SF3B3: variants seen among roughly 807,000 people sequenced by gnomAD.
SF3B3 encodes the protein SAP 130.
SF3B3 carries 33 observed loss-of-function variants against 139.2 expected under a neutral mutation model. The ratio of observed to expected loss-of-function variants is 0.24; its 90% CI spans 0.18 to 0.32. The LOEUF (loss-of-function observed/expected upper bound fraction) is 0.32. SF3B3 is among the 10% of genes least tolerant of loss of function. The pLI, the probability that SF3B3 is intolerant of heterozygous loss-of-function variation, is 1.00. For synonymous variants in SF3B3, 596 were observed against 563.6 expected, an observed-to-expected ratio of 1.06 and a Z score of -0.81; for missense variants, 818 against 1,509.4, an observed-to-expected ratio of 0.54 and a Z score of 7.59.
chr16:70,529,533 C>T (rs1449744641), intron 3 of SF3B3: 2 of 261,506 alleles, frequency 7.6e-6, no homozygotes, highest in African/African-American at 2.2e-5. Flanking sequence ...GATTCACATT[C>T]ATGTCTCTTC....
At chr16:70,540,937 AT>A (rs1289784590) in intron 8 of SF3B3, among the ~76,000 whole-genome samples, 1 of 152,104 alleles carries the variant, frequency 6.6e-6, no homozygotes, top group Non-Finnish European at 1.5e-5. Context: ...TTGATTCCCC[AT>A]TTTTAATTTT....
At chr16:70,546,354 A>G (rs74930206) in intron 10 of SF3B3, among the ~76,000 whole-genome samples, 1 of 152,346 alleles carries the variant, frequency 6.6e-6, no homozygotes, top group East Asian at 1.9e-4. Context: ...GCTTTACACA[A>G]AAAATGCATA....
At position 70,565,352 on chromosome 16, in the gene SF3B3, C is replaced by G; in HGVS notation, c.2670-16C>G. 6.2e-6 allele frequency: 10 copies of G among 1,614,036 alleles called. No individual in the cohort carries two copies. Among genetic ancestry groups the G allele is most frequent in the Non-Finnish European group, 8.5e-6 (10 of 1,179,956 alleles). ...TTTGACTAAGGCCTTACTCTTGCTT[C>G]TTATTCTGTGTGTAGTGTGGCTGTG... On this transcript the variant is annotated splice_polypyrimidine_tract_variant and intron_variant, in intron 19 of 25. Transcript: ENST00000302516.
intron 3 of SF3B3, among the ~76,000 whole-genome samples, chr16:70,530,123 C>T (rs2151775121): frequency 8.9e-6 from 1 of 112,610 alleles, no homozygotes; most frequent in Non-Finnish European, 1.8e-5. Context: ...GAGACTGCAT[C>T]TCAAAAATAA....
rs1458634292 is a variant in SF3B3, at chr16:70,561,413, G to A, written c.2134-217G>A. ...CAGGCTTAGAGAGATGAAATGGTGA[G>A]TCTAGATCATATGGCTCGTAGCCCA... On this transcript the variant is annotated intron_variant, in intron 16 of 25. Transcript: ENST00000302516. 7 of 546,928 alleles carry A rather than the reference G, an allele frequency of 1.3e-5. No individual in the cohort carries two copies. In the East Asian group the frequency reaches 2.1e-4, roughly 17 times the overall value. 33.9% of individuals were successfully genotyped at this position (546,928 alleles called of 1,614,324 possible). A position where few individuals can be genotyped will look rare whatever the true frequency, so the allele number is the denominator to read the frequency against.
At chr16:70,548,280 G>GCCTTTGAGA in intron 10 of SF3B3, 90 bp from the exon 11 acceptor site, 1 of 1,045,158 alleles carries the variant, frequency 9.6e-7, no homozygotes. Context: ...TGTGAACCCT[G>GCCTTTGAGA]CCTTTGAGAC....
At chr16:70,550,554 G>C (rs2050314276) in intron 11 of SF3B3, 1 of 492,072 alleles carries the variant, frequency 2.0e-6, no homozygotes, top group African/African-American at 2.1e-5. Flanking sequence ...CATTCCTTCT[G>C]CCTGCACATG....
chr16:70,532,959 A>G (rs2050135306), intron 5 of SF3B3, among the ~76,000 whole-genome samples: 1 of 152,220 alleles, frequency 6.6e-6, no homozygotes, highest in African/African-American at 2.4e-5. Flanking sequence ...TCAAAAGCCA[A>G]ACAAAATGGA....
At chr16:70,554,013 A>G (rs1338295891) in intron 11 of SF3B3, 1 of 154,430 alleles carries the variant, frequency 6.5e-6, no homozygotes, top group Admixed American at 6.4e-5. Context: ...GCTTGTGTTC[A>G]TTTCTACATA....
chr16:70,538,248 A>T, intron 6 of SF3B3, 75 bp from the exon 7 acceptor site: 7 of 1,342,272 alleles, frequency 5.2e-6, no homozygotes, highest in Non-Finnish European at 7.4e-6. Flanking sequence ...TGTAATCCCT[A>T]TTGGTAAAGT....
At position 70,528,866 on chromosome 16, in the gene SF3B3, G is replaced by A; in HGVS notation, c.71-7G>A. ...TTGTTTATGATCTTTATTTTTTGGT[G>A]ATCTAGGAACCAAACAACAAGAAAT... is the stretch of plus-strand genomic sequence containing the variant. On this transcript the variant is annotated splice_polypyrimidine_tract_variant and splice_region_variant and intron_variant, in intron 2 of 25. Coordinates refer to ENST00000302516, the MANE Select transcript of SF3B3 (RefSeq NM_012426.5). The A allele has an allele frequency of 1.3e-6, 2 of 1,593,782 alleles. No individual in the cohort carries two copies. Among genetic ancestry groups the A allele is most frequent in the Non-Finnish European group, 8.6e-7 (1 of 1,165,560 alleles).
intron 17 of SF3B3, 52 bp from the exon 18 acceptor site, chr16:70,563,824 A>G: frequency 6.4e-7 from 1 of 1,562,694 alleles, no homozygotes; most frequent in Non-Finnish European, 8.8e-7. Flanking sequence ...TTTCAACACC[A>G]GTTTCTGGGT....
chr16:70,562,000 C>T (rs2050433276), intron 17 of SF3B3, among the ~76,000 whole-genome samples: 1 of 152,172 alleles, frequency 6.6e-6, no homozygotes, highest in Non-Finnish European at 1.5e-5. Flanking sequence ...ATTTTCAAGG[C>T]CAAGCTTTAA....
At chr16:70,552,932 A>G (rs1043694131) in intron 11 of SF3B3, among the ~76,000 whole-genome samples, 24 of 152,306 alleles carry the variant, frequency 1.6e-4, no homozygotes, top group South Asian at 4.1e-4. Flanking sequence ...GTTTGTTTTG[A>G]GACAGTCTCA....
chr16:70,549,309 A>T (rs2050298892), intron 11 of SF3B3, among the ~76,000 whole-genome samples: 1 of 152,244 alleles, frequency 6.6e-6, no homozygotes, highest in Non-Finnish European at 1.5e-5. Context: ...ACAACTTACT[A>T]TTAGTAGAAT....
At position 70,539,614 on chromosome 16, in the gene SF3B3, TGTTA is replaced by T. The variant is rs1199284378; in HGVS notation, c.1067+411_1067+414del. The stretch of plus-strand genomic sequence containing the variant: ...GCTTAGGGAGCTTTTCACAAGAATG[TGTTA>T]GTTCTTTCAAAAGAAGTTTGTTCTA... On this transcript the variant is annotated intron_variant, in intron 8 of 25. Coordinates refer to ENST00000302516, the MANE Select transcript of SF3B3 (RefSeq NM_012426.5). Among the ~76,000 whole-genome samples the T allele has an allele frequency of 6.6e-5, 10 of 152,260 alleles. No homozygotes were observed. The South Asian group carries it at 1.2e-3, about 19-fold the overall frequency.
chr16:70,548,513 C>T (rs372389292), intron 11 of SF3B3, 71 bp downstream of exon 11: 19 of 1,278,878 alleles, frequency 1.5e-5, no homozygotes, highest in Admixed American at 6.8e-5. Context: ...TGAAAGGCTG[C>T]GTTCATAATA....
intron 2 of SF3B3, among the ~76,000 whole-genome samples, chr16:70,527,470 A>C (rs2050075080): frequency 6.6e-6 from 1 of 152,168 alleles, no homozygotes; most frequent in Non-Finnish European, 1.5e-5. Context: ...TGAATACTTA[A>C]TGTGGTACTG....
chr16:70,565,504 A>G lies in SF3B3; in HGVS notation c.2806A>G (p.Lys936Glu). ...YTYKLVNNGE[K>E]LEFLHKTPVE... Reference sequence around the variant, plus strand: ...TTACAAGCTTGTGAACAATGGGGAAAAACTGGAGTTTTTGCACAAGGTAGG... The same window carrying G: ...TTACAAGCTTGTGAACAATGGGGAAGAACTGGAGTTTTTGCACAAGGTAGG... Residue 936 changes from lysine (K) to glutamate (E), a missense_variant, in exon 20 of 26, where the codon AAA becomes GAA. Around this residue, in one of 14 missense-constraint regions of SF3B3, gnomAD observed 145 missense variants for 153.6 expected, o/e 0.94. Transcript: ENST00000302516. 2.5e-6 allele frequency: 4 copies of G among 1,613,800 alleles called. No individual in the cohort carries two copies. The highest frequency in any genetic ancestry group is 3.4e-6 in the Non-Finnish European group (4 of 1,179,834).
Sources: allele counts gnomAD v4.1 joint callset (sites outside exome capture counted in the v4.1 genomes callset), GRCh38; gene constraint gnomAD v4.1.1; regional missense constraint gnomAD v4.1.1; transcripts MANE v1.5; gene names NCBI Gene and HGNC (gene_info 2026-07-23, HGNC 2026-07-21).